HS6ST3: variants seen among roughly 807,000 people sequenced by gnomAD.
HS6ST3 encodes the protein heparan-sulfate 6-O-sulfotransferase 3.
A neutral mutation model predicts 36.7 loss-of-function variants in HS6ST3; 12 were observed. The ratio of observed to expected loss-of-function variants is 0.33; its 90% CI spans 0.21 to 0.53. HS6ST3 has a LOEUF of 0.53. Ranked by LOEUF, HS6ST3 falls within the 20% of genes least tolerant of loss-of-function variation. The pLI, the probability that HS6ST3 is intolerant of heterozygous loss-of-function variation, is 0.95. For synonymous variants in HS6ST3, 240 were observed against 257.5 expected, an observed-to-expected ratio of 0.93 and a Z score of 0.65; for missense variants, 584 against 640.9, an observed-to-expected ratio of 0.91 and a Z score of 0.96.
At chr13:96,230,737 G>A (rs997797542) in intron 1 of HS6ST3, among the ~76,000 whole-genome samples, 7 of 152,096 alleles carry the variant, frequency 4.6e-5, no homozygotes, top group Admixed American at 6.5e-5. Context: ...GCTTTTGGGG[G>A]CCTCAAAGTC....
intron 1 of HS6ST3, among the ~76,000 whole-genome samples, chr13:96,160,414 G>C (rs2054130236): frequency 6.6e-6 from 1 of 152,150 alleles, no homozygotes; most frequent in South Asian, 2.1e-4. Context: ...GAACTCTGTG[G>C]ATTGTTAAAG....
chr13:96,419,519 A>G (rs1345309743), intron 1 of HS6ST3, among the ~76,000 whole-genome samples: 1 of 152,186 alleles, frequency 6.6e-6, no homozygotes, highest in African/African-American at 2.4e-5. Context: ...ATAGATAGAG[A>G]GGTAGGCAGA....
intron 1 of HS6ST3, among the ~76,000 whole-genome samples, chr13:96,205,631 A>G (rs2054366188): frequency 6.6e-6 from 1 of 152,220 alleles, no homozygotes; most frequent in Non-Finnish European, 1.5e-5. Context: ...ATCCACCACG[A>G]TCAAGTTGGC....
At chr13:96,591,993 T>A (rs534294355) in intron 1 of HS6ST3, among the ~76,000 whole-genome samples, 8 of 152,174 alleles carry the variant, frequency 5.3e-5, no homozygotes, top group Non-Finnish European at 7.4e-5. Context: ...GTATGAGGTA[T>A]CTCATTAACT....
intron 1 of HS6ST3, among the ~76,000 whole-genome samples, chr13:96,625,642 T>C (rs1403270723): frequency 1.3e-5 from 2 of 152,126 alleles, no homozygotes; most frequent in Non-Finnish European, 2.9e-5. Context: ...CATAGTTTCT[T>C]GTGTTTATAA....
At chr13:96,244,322 C>T (rs2054574901) in intron 1 of HS6ST3, among the ~76,000 whole-genome samples, 1 of 152,110 alleles carries the variant, frequency 6.6e-6, no homozygotes. Flanking sequence ...TCACTTTGTT[C>T]TAATGACTTT....
chr13:96,417,485 A>G (rs568543832), intron 1 of HS6ST3, among the ~76,000 whole-genome samples: 1 of 151,626 alleles, frequency 6.6e-6, no homozygotes, highest in African/African-American at 2.4e-5. Flanking sequence ...TTAATCTTTT[A>G]CTTCTTTACT....
chr13:96,296,361 A>G (rs1298657111), intron 1 of HS6ST3, among the ~76,000 whole-genome samples: 2 of 152,248 alleles, frequency 1.3e-5, no homozygotes, highest in African/African-American at 4.8e-5. Context: ...ATCAGCTCCC[A>G]TTACTTCTAG....
chr13:96,637,353 A>G (rs986481192), intron 1 of HS6ST3, among the ~76,000 whole-genome samples: 3 of 152,166 alleles, frequency 2.0e-5, no homozygotes, highest in African/African-American at 7.2e-5. Context: ...GAAAGATTTC[A>G]TGCTATCAGG....
chr13:96,262,043 T>A (rs2054668968), intron 1 of HS6ST3, among the ~76,000 whole-genome samples: 1 of 152,166 alleles, frequency 6.6e-6, no homozygotes, highest in African/African-American at 2.4e-5. Flanking sequence ...AGATGATTTA[T>A]CCCTGTGGTG....
At chr13:96,411,429 G>A (rs1233518733) in intron 1 of HS6ST3, among the ~76,000 whole-genome samples, 1 of 152,214 alleles carries the variant, frequency 6.6e-6, no homozygotes, top group Non-Finnish European at 1.5e-5. Flanking sequence ...TATTTACAAA[G>A]GTTGAGATGG....
chr13:96,804,085 C>T (rs576528539), intron 1 of HS6ST3, among the ~76,000 whole-genome samples: 1 of 151,714 alleles, frequency 6.6e-6, no homozygotes, highest in Non-Finnish European at 1.5e-5. Context: ...AACTTGTACA[C>T]CAAGGCAGTG....
intron 1 of HS6ST3, among the ~76,000 whole-genome samples, chr13:96,361,069 A>G (rs893640213): frequency 5.3e-5 from 8 of 152,184 alleles, no homozygotes; most frequent in Admixed American, 2.0e-4. Flanking sequence ...TTAGTTAGAT[A>G]AAAGGGTTAA....
At chr13:96,643,008 T>C (rs1163250730) in intron 1 of HS6ST3, among the ~76,000 whole-genome samples, 1 of 151,998 alleles carries the variant, frequency 6.6e-6, no homozygotes, top group Non-Finnish European at 1.5e-5. Context: ...TTTTAGCTAA[T>C]ATAATGTGGC....
At chr13:96,438,210 A>C (rs1363205401) in intron 1 of HS6ST3, among the ~76,000 whole-genome samples, 2 of 152,188 alleles carry the variant, frequency 1.3e-5, no homozygotes, top group East Asian at 3.8e-4. Context: ...TTGTGTCTTA[A>C]TACACACTAT....
intron 1 of HS6ST3, among the ~76,000 whole-genome samples, chr13:96,282,582 C>T (rs1043850752): frequency 3.9e-5 from 6 of 152,034 alleles, no homozygotes; most frequent in African/African-American, 1.4e-4. Context: ...ACATCTTTGG[C>T]GTACAATATC....
chr13:96,467,803 G>A (rs944970984), intron 1 of HS6ST3, among the ~76,000 whole-genome samples: 1 of 152,142 alleles, frequency 6.6e-6, no homozygotes, highest in Non-Finnish European at 1.5e-5. Context: ...TGTGCCCAAA[G>A]TCCTGTAACT....
chr13:96,483,022 C>T (rs2138899300), intron 1 of HS6ST3, among the ~76,000 whole-genome samples: 1 of 152,214 alleles, frequency 6.6e-6, no homozygotes, highest in Admixed American at 6.6e-5. Context: ...ATACTAGGTG[C>T]TGAGGATAAA....
At chr13:96,665,821 C>A (rs2138427705) in intron 1 of HS6ST3, among the ~76,000 whole-genome samples, 1 of 152,240 alleles carries the variant, frequency 6.6e-6, no homozygotes, top group African/African-American at 2.4e-5. Context: ...TGTTATTACT[C>A]ATGGTAGCTC....
Sources: gnomAD v4.1 joint callset for allele counts (sites outside exome capture counted in the v4.1 genomes callset) on GRCh38, gnomAD v4.1.1 for gene constraint, MANE v1.5 for transcripts, NCBI Gene and HGNC (gene_info 2026-07-23, HGNC 2026-07-21) for gene names.